GASK1A: variants seen among roughly 807,000 people sequenced by gnomAD.
GASK1A encodes the protein Golgi-associated kinase 1A.
GASK1A carries 40 observed loss-of-function variants against 41.2 expected under a neutral mutation model. The observed-to-expected ratio is 0.97, with a 90% CI of 0.75 to 1.27. The LOEUF (loss-of-function observed/expected upper bound fraction) is 1.27. Ranked by LOEUF, GASK1A falls within the 50% of genes most tolerant of loss-of-function variation. The probability of loss-of-function intolerance (pLI) is 0.00; values close to 1 mark genes in which losing one functional copy is unlikely to be tolerated. For synonymous variants in GASK1A, 316 were observed against 307.1 expected (o/e 1.03, Z -0.30); for missense variants, 678 against 745.1 (o/e 0.91, Z 1.05).
At position 43,037,629 on chromosome 3, in the gene GASK1A, C is replaced by T. The variant is rs114159931; in HGVS notation, c.1290+4076C>T. 4.5e-3 allele frequency among the ~76,000 whole-genome samples: 690 copies of T among 152,062 alleles called. 6 individuals carry two copies. The highest frequency in any genetic ancestry group is 7.2e-3 in the Non-Finnish European group (487 of 67,978). ...TTAAATGATACATTTTTAATTTTAA[C>T]CAGTTATAGTCAAAATGCTACAATA... On this transcript the variant is annotated intron_variant, in intron 2 of 4. Transcript: ENST00000430121.
In GASK1A at chr3:42,979,495, T is replaced by C. The variant is rs2089268418; in HGVS notation, c.-148T>C. The C allele has an allele frequency of 1.2e-6, 1 of 841,572 alleles. No homozygotes were observed. Among genetic ancestry groups the C allele is most frequent in the Non-Finnish European group, 1.6e-6 (1 of 631,126 alleles). The allele number at this position is 841,572 out of a possible 1,614,324, so 52.1% of individuals were successfully genotyped here. Reference sequence around the variant, plus strand: ...CTTGGCTGCAGAGAACGTGTGCACCTTCAGTCCGGGAAACCCGCCCCAGCC... The same window carrying C: ...CTTGGCTGCAGAGAACGTGTGCACCCTCAGTCCGGGAAACCCGCCCCAGCC... On this transcript the variant is annotated 5_prime_UTR_variant, in exon 1 of 5. Transcript: ENST00000430121.
intron 1 of GASK1A, among the ~76,000 whole-genome samples, chr3:43,010,601 T>A (rs1011212575): frequency 6.6e-6 from 1 of 152,238 alleles, no homozygotes; most frequent in African/African-American, 2.4e-5. Context: ...ATTTCTGCCA[T>A]CTCTAAGTTT....
intron 1 of GASK1A, among the ~76,000 whole-genome samples, chr3:42,981,727 A>G (rs1009608895): frequency 6.6e-6 from 1 of 152,216 alleles, no homozygotes; most frequent in Non-Finnish European, 1.5e-5. Context: ...TCAAAGCTGC[A>G]CTTCCCAAGA....
Position 42,995,351 on chromosome 3 carries a change from G to C in GASK1A, c.3+15706G>C, listed in dbSNP as rs932756929. 2.6e-5 allele frequency among the ~76,000 whole-genome samples: 4 copies of C among 152,226 alleles called. No individual in the cohort carries two copies. In the East Asian group the frequency reaches 7.7e-4, roughly 29 times the overall value. On this transcript the variant is annotated intron_variant, in intron 1 of 4. Coordinates refer to ENST00000430121, the MANE Select transcript of GASK1A (RefSeq NM_001129908.3). ...CTTCAGGGAGCATGTCATTGAGAGAGAGTGTCATACTCTACGCCAACCATG... is the reference window on the plus strand; with the variant it reads ...CTTCAGGGAGCATGTCATTGAGAGACAGTGTCATACTCTACGCCAACCATG...
At chr3:42,986,945 G>C (rs544237805) in intron 1 of GASK1A, among the ~76,000 whole-genome samples, 6 of 152,286 alleles carry the variant, frequency 3.9e-5, no homozygotes, top group African/African-American at 1.2e-4. Flanking sequence ...TCAGGCATCC[G>C]GATGTATGGG....
chr3:43,039,011 T>TA (rs568634281), intron 2 of GASK1A, among the ~76,000 whole-genome samples: 4 of 143,432 alleles, frequency 2.8e-5, no homozygotes, highest in Non-Finnish European at 6.0e-5. Flanking sequence ...TCTTTTAGTA[T>TA]AAAAAAAAAG....
chr3:43,037,719 G>A (rs1365476128), intron 2 of GASK1A, among the ~76,000 whole-genome samples: 1 of 152,164 alleles, frequency 6.6e-6, no homozygotes, highest in Non-Finnish European at 1.5e-5. Flanking sequence ...GTACACATAA[G>A]CTTTAAACTG....
At chr3:43,026,491 A>G (rs2089547553) in intron 1 of GASK1A, among the ~76,000 whole-genome samples, 1 of 152,244 alleles carries the variant, frequency 6.6e-6, no homozygotes, top group Non-Finnish European at 1.5e-5. Flanking sequence ...TGGAATTTTG[A>G]GCAATCTTAT....
At chr3:43,031,034 C>T (rs1356192021) in intron 1 of GASK1A, among the ~76,000 whole-genome samples, 1 of 152,158 alleles carries the variant, frequency 6.6e-6, no homozygotes, top group Non-Finnish European at 1.5e-5. Flanking sequence ...ATTCTGTTTA[C>T]CCGTGTGCCT....
At chr3:43,005,121 A>C (rs1200526138) in intron 1 of GASK1A, among the ~76,000 whole-genome samples, 4 of 152,164 alleles carry the variant, frequency 2.6e-5, no homozygotes, top group Admixed American at 6.5e-5. Flanking sequence ...TCTTAAAAGG[A>C]TACTTGTGAT....
intron 2 of GASK1A, among the ~76,000 whole-genome samples, chr3:43,044,818 A>G (rs1316273009): frequency 6.6e-6 from 1 of 152,198 alleles, no homozygotes; most frequent in African/African-American, 2.4e-5. Flanking sequence ...ATAAGGTTTT[A>G]TTGGTGTTGG....
intron 2 of GASK1A, among the ~76,000 whole-genome samples, chr3:43,052,963 G>T (rs1357759022): frequency 1.3e-5 from 2 of 152,186 alleles, no homozygotes; most frequent in Non-Finnish European, 2.9e-5. Context: ...TCATCTGTAT[G>T]TGTCTATTCA....
chr3:43,001,825 T>C (rs1020460355), intron 1 of GASK1A, among the ~76,000 whole-genome samples: 7 of 152,118 alleles, frequency 4.6e-5, no homozygotes, highest in Non-Finnish European at 8.8e-5. Context: ...GGAGGCTTCC[T>C]GTGAGGTGGG....
At chr3:43,006,799 G>T in intron 1 of GASK1A, among the ~76,000 whole-genome samples, 1 of 152,344 alleles carries the variant, frequency 6.6e-6, no homozygotes, top group East Asian at 1.9e-4. Context: ...ATGATATGGC[G>T]ATGTATTATC....
chr3:43,036,001 T>A lies in GASK1A; in HGVS notation c.1290+2448T>A, dbSNP rs540485867. The stretch of plus-strand genomic sequence containing the variant: ...CAGGAAAAGGGGATGCCTGTAGGGG[T>A]GTCCTGGGGCCTTGATCTCTGAGGC... On this transcript the variant is annotated intron_variant, in intron 2 of 4. Coordinates refer to ENST00000430121, the MANE Select transcript of GASK1A (RefSeq NM_001129908.3). 1.5e-4 allele frequency among the ~76,000 whole-genome samples: 23 copies of A among 152,188 alleles called. No homozygotes were observed. The South Asian group carries it at 1.9e-3, about 12-fold the overall frequency.
chr3:42,997,201 G>A (rs999899811), intron 1 of GASK1A, among the ~76,000 whole-genome samples: 2 of 152,194 alleles, frequency 1.3e-5, no homozygotes, highest in Admixed American at 1.3e-4. Context: ...CACCTTGGGT[G>A]ACTCTGCAAC....
At chr3:42,991,346 C>G (rs2089339720) in intron 1 of GASK1A, among the ~76,000 whole-genome samples, 1 of 152,110 alleles carries the variant, frequency 6.6e-6, no homozygotes, top group South Asian at 2.1e-4. Flanking sequence ...TATTCATACC[C>G]TCTACAGAGT....
At chr3:43,023,865 A>G (rs953560349) in intron 1 of GASK1A, among the ~76,000 whole-genome samples, 7 of 152,062 alleles carry the variant, frequency 4.6e-5, no homozygotes, top group African/African-American at 1.7e-4. Context: ...TTTGTCCCTT[A>G]TTGCTTGAGG....
chr3:42,985,688 A>G (rs576870725), intron 1 of GASK1A, among the ~76,000 whole-genome samples: 1 of 152,044 alleles, frequency 6.6e-6, no homozygotes, highest in African/African-American at 2.4e-5. Context: ...CTGAAGATAT[A>G]GAGAAAGGAT....
Sources: allele counts gnomAD v4.1 joint callset (sites outside exome capture counted in the v4.1 genomes callset), GRCh38; gene constraint gnomAD v4.1.1; transcripts MANE v1.5; gene names NCBI Gene and HGNC (gene_info 2026-07-23, HGNC 2026-07-21).